The following RBFOX2 variants were observed in gnomAD, a reference collection of about 807,000 sequenced individuals.
RBFOX2 encodes RNA binding protein fox-1 homolog 2.
A neutral mutation model predicts 49.1 loss-of-function variants in RBFOX2; 10 were observed. The observed-to-expected ratio is 0.20, with a 90% CI of 0.13 to 0.35. The LOEUF is 0.35. Among genes scored for constraint, RBFOX2 ranks in the 10% least tolerant of loss-of-function variants. The pLI is 1.00. For synonymous variants in RBFOX2, 183 were observed against 187.4 expected (o/e 0.98, Z 0.19); for missense variants, 323 against 486.9 (o/e 0.66, Z 3.17).
intron 9 of RBFOX2, among the ~76,000 whole-genome samples, chr22:35,755,245 C>T (rs1936511408): frequency 6.6e-6 from 1 of 152,176 alleles, no homozygotes; most frequent in Admixed American, 6.5e-5. Flanking sequence ...AGCTTGCATT[C>T]AGAAAAAGTC....
intron 1 of RBFOX2, among the ~76,000 whole-genome samples, chr22:35,833,369 A>G (rs28462668): frequency 0.05 from 7,575 of 152,274 alleles, 221 homozygotes; most frequent in African/African-American, 0.069. Flanking sequence ...TGAGAAGACA[A>G]TCATGAAAAC....
At chr22:35,914,381 T>C (rs1281993454) in intron 1 of RBFOX2, among the ~76,000 whole-genome samples, 3 of 152,246 alleles carry the variant, frequency 2.0e-5, no homozygotes, top group Non-Finnish European at 2.9e-5. Context: ...TATAGTGATA[T>C]ACCATACATG....
intron 1 of RBFOX2, among the ~76,000 whole-genome samples, chr22:35,882,703 T>C (rs2046069202): frequency 6.6e-6 from 1 of 152,138 alleles, no homozygotes; most frequent in Admixed American, 6.5e-5. Flanking sequence ...TGCAAATGCT[T>C]CATGAGTGAG....
chr22:35,761,257 A>C (rs757873431), exon 8 of RBFOX2: 1 of 1,614,190 alleles, frequency 6.2e-7, no homozygotes, highest in South Asian at 1.1e-5. Flanking sequence ...GCACTGCTGC[A>C]TCATTGCCTA....
intron 1 of RBFOX2, among the ~76,000 whole-genome samples, chr22:35,916,993 T>C (rs1332298645): frequency 6.6e-6 from 1 of 152,174 alleles, no homozygotes; most frequent in African/African-American, 2.4e-5. Flanking sequence ...TAAATTATTA[T>C]TAAGGACCAT....
chr22:35,892,106 T>C (rs1313350074), intron 1 of RBFOX2, among the ~76,000 whole-genome samples: 1 of 152,220 alleles, frequency 6.6e-6, no homozygotes, highest in Non-Finnish European at 1.5e-5. Context: ...CTTGTACTAG[T>C]TATTTACTGA....
At chr22:35,966,341 T>A (rs1259210314), upstream of RBFOX2, among the ~76,000 whole-genome samples, 3 of 152,208 alleles carry the variant, frequency 2.0e-5, no homozygotes, top group Non-Finnish European at 1.5e-5. Flanking sequence ...ACATTTCGGT[T>A]GGGTATGCCT....
chr22:35,883,694 T>C (rs1422160241), intron 1 of RBFOX2, among the ~76,000 whole-genome samples: 1 of 152,228 alleles, frequency 6.6e-6, no homozygotes, highest in Non-Finnish European at 1.5e-5. Context: ...TGCAATGTTT[T>C]GTTTAGAAGT....
chr22:35,793,312 G>A (rs1291761114), intron 2 of RBFOX2, among the ~76,000 whole-genome samples: 1 of 152,202 alleles, frequency 6.6e-6, no homozygotes, highest in African/African-American at 2.4e-5. Flanking sequence ...GGCAGAGATT[G>A]CAGTGAGCTG....
chr22:35,748,524 C>T (rs1933669227), intron 9 of RBFOX2: 1 of 151,030 alleles, frequency 6.6e-6, no homozygotes, highest in Admixed American at 6.6e-5. Context: ...ATGTTAATTA[C>T]AGTTGGAATT....
At chr22:35,855,172 A>C (rs116327554) in intron 1 of RBFOX2, among the ~76,000 whole-genome samples, 2,392 of 152,260 alleles carry the variant, frequency 0.016, 64 homozygotes, top group African/African-American at 0.055. Context: ...TAAAATTTTA[A>C]ATAATATATT....
chr22:35,892,687 A>T (rs2047387614), intron 1 of RBFOX2, among the ~76,000 whole-genome samples: 1 of 152,176 alleles, frequency 6.6e-6, no homozygotes, highest in South Asian at 2.1e-4. Flanking sequence ...TATGTTTGAC[A>T]GTTTTCTCTG....
At chr22:35,952,024 C>T (rs984670683) in intron 1 of RBFOX2, among the ~76,000 whole-genome samples, 1 of 152,140 alleles carries the variant, frequency 6.6e-6, no homozygotes, top group African/African-American at 2.4e-5. Context: ...TCTGTTAATG[C>T]CTGCTTTCCT....
At chr22:35,928,386 C>G (rs960757318) in intron 1 of RBFOX2, among the ~76,000 whole-genome samples, 2 of 152,130 alleles carry the variant, frequency 1.3e-5, no homozygotes, top group African/African-American at 4.8e-5. Context: ...TTAGGACATG[C>G]AGAAAGCAGC....
At chr22:35,778,688 GT>G (rs1360433867) in intron 3 of RBFOX2, among the ~76,000 whole-genome samples, 1 of 150,844 alleles carries the variant, frequency 6.6e-6, no homozygotes, top group Non-Finnish European at 1.5e-5. Flanking sequence ...CCAGGCTGGA[GT>G]CCAGTGGCAC....
At chr22:35,966,619 TC>T (rs1276495311), upstream of RBFOX2, among the ~76,000 whole-genome samples, 1 of 152,186 alleles carries the variant, frequency 6.6e-6, no homozygotes, top group East Asian at 1.9e-4. Flanking sequence ...TTGGAGATCA[TC>T]TTTTGTGAAG....
chr22:35,999,190 C>A (rs1255588289), intron 1 of RBFOX2: 1 of 151,748 alleles, frequency 6.6e-6, no homozygotes, highest in Non-Finnish European at 1.5e-5. Context: ...GATTTTTTTA[C>A]TTTTTTTTCT....
chr22:35,848,431 T>C (rs1293494160), intron 1 of RBFOX2, among the ~76,000 whole-genome samples: 2 of 152,200 alleles, frequency 1.3e-5, no homozygotes, highest in Non-Finnish European at 2.9e-5. Context: ...AGACCTCTAT[T>C]AGAATATAGT....
At chr22:35,781,526 A>G in intron 3 of RBFOX2, 74 bp downstream of exon 4, 1 of 1,516,794 alleles carries the variant, frequency 6.6e-7, no homozygotes. Flanking sequence ...TAAAGTAATA[A>G]TGACTAATAA....
Sources: gnomAD v4.1 joint callset for allele counts (sites outside exome capture counted in the v4.1 genomes callset) on GRCh38, gnomAD v4.1.1 for gene constraint, MANE v1.5 for transcripts, NCBI Gene and HGNC (gene_info 2026-07-23, HGNC 2026-07-21) for gene names.